SLC16A10: variants seen among roughly 807,000 people sequenced by gnomAD.
SLC16A10 encodes monocarboxylate transporter 10.
SLC16A10 carries 27 observed loss-of-function variants against 40.0 expected under a neutral mutation model. The observed-to-expected ratio is 0.67, with a 90% CI of 0.50 to 0.93. SLC16A10 has a LOEUF of 0.93. SLC16A10 is among the 40% of genes least tolerant of loss of function. The pLI, the probability that SLC16A10 is intolerant of heterozygous loss-of-function variation, is 0.00. For missense variants in SLC16A10, 529 were observed against 658.2 expected, an observed-to-expected ratio of 0.80 and a Z score of 2.15; for synonymous variants, 213 against 249.8, an observed-to-expected ratio of 0.85 and a Z score of 1.39.
intron 1 of SLC16A10, 150 bp from the exon 2 acceptor site, chr6:111,172,545 T>A: frequency 1.2e-6 from 1 of 818,014 alleles, no homozygotes; most frequent in East Asian, 2.8e-5. Flanking sequence ...AGTGTATGAG[T>A]CAATTTCCAT....
At chr6:111,206,571 T>C in intron 3 of SLC16A10, 21 bp from the exon 4 acceptor site, 1 of 1,613,758 alleles carries the variant, frequency 6.2e-7, no homozygotes, top group Non-Finnish European at 8.5e-7. Context: ...TCAGTGTGGT[T>C]TCTTTCTCTT....
intron 1 of SLC16A10, among the ~76,000 whole-genome samples, chr6:111,117,226 C>T (rs111914431): frequency 0.012 from 1,831 of 152,050 alleles, 25 homozygotes; most frequent in African/African-American, 0.043. Flanking sequence ...GTGTTGGGTG[C>T]CTGTAGTCCC....
chr6:111,128,875 T>C (rs1312309671), intron 1 of SLC16A10, among the ~76,000 whole-genome samples: 1 of 152,076 alleles, frequency 6.6e-6, no homozygotes, highest in East Asian at 1.9e-4. Flanking sequence ...CATTTTATTT[T>C]TTCATATTCA....
intron 3 of SLC16A10, chr6:111,193,184 CCTT>C (rs1221377581): frequency 1.1e-5 from 4 of 375,086 alleles, no homozygotes; most frequent in East Asian, 3.3e-4. Context: ...GATTAAGACA[CCTT>C]CTCTCCTTCA....
intron 3 of SLC16A10, among the ~76,000 whole-genome samples, chr6:111,203,751 T>TAAATAAATAAAA (rs1554261471): frequency 0.05 from 7,375 of 147,262 alleles, 272 homozygotes; most frequent in Non-Finnish European, 0.071. Context: ...AATAAATAAA[T>TAAATAAATAAAA]AAAATAATGC....
intron 3 of SLC16A10, among the ~76,000 whole-genome samples, chr6:111,195,576 A>C (rs1004052901): frequency 1.8e-4 from 28 of 152,236 alleles, no homozygotes; most frequent in Admixed American, 1.4e-3. Context: ...CAAAAAAATA[A>C]AAATAGTCCC....
intron 1 of SLC16A10, among the ~76,000 whole-genome samples, chr6:111,153,540 AAAAAATT>A (rs1466605389): frequency 2.0e-5 from 3 of 152,068 alleles, no homozygotes; most frequent in Non-Finnish European, 4.4e-5. Flanking sequence ...TCTCAAAAAA[AAAAAATT>A]AAATTAAAAC....
At chr6:111,154,552 C>G (rs1459932338) in intron 1 of SLC16A10, among the ~76,000 whole-genome samples, 1 of 152,182 alleles carries the variant, frequency 6.6e-6, no homozygotes. Context: ...CTCAAGGAAG[C>G]AAGTATTTTT....
chr6:111,189,519 G>A (rs1150082), intron 3 of SLC16A10, among the ~76,000 whole-genome samples: 116,815 of 152,068 alleles, frequency 0.77, 45,650 homozygotes, highest in Non-Finnish European at 0.85. Flanking sequence ...TTTTTTCTTC[G>A]TATACTGCAT....
At chr6:111,168,741 G>A (rs925217937) in intron 1 of SLC16A10, among the ~76,000 whole-genome samples, 1 of 152,148 alleles carries the variant, frequency 6.6e-6, no homozygotes, top group Non-Finnish European at 1.5e-5. Context: ...TTCAGTTTAG[G>A]CACTGCAGTA....
chr6:111,146,321 G>C (rs1395696646), intron 1 of SLC16A10, among the ~76,000 whole-genome samples: 1 of 152,180 alleles, frequency 6.6e-6, no homozygotes, highest in East Asian at 1.9e-4. Context: ...GGAAAAATTA[G>C]AACCCTCATA....
At chr6:111,184,090 A>G (rs1410453523) in intron 3 of SLC16A10, among the ~76,000 whole-genome samples, 1 of 152,320 alleles carries the variant, frequency 6.6e-6, no homozygotes, top group Non-Finnish European at 1.5e-5. Flanking sequence ...CTCTATCTCC[A>G]ATCTGAAGCT....
chr6:111,146,617 G>C (rs541043133), intron 1 of SLC16A10, among the ~76,000 whole-genome samples: 1 of 152,084 alleles, frequency 6.6e-6, no homozygotes, highest in Non-Finnish European at 1.5e-5. Context: ...GGCGCCTGTA[G>C]TCCCAGCTAC....
intron 1 of SLC16A10, among the ~76,000 whole-genome samples, chr6:111,108,631 A>T (rs927451469): frequency 6.6e-6 from 1 of 152,210 alleles, no homozygotes; most frequent in African/African-American, 2.4e-5. Flanking sequence ...TAAAGAAAGG[A>T]GGAAGTCCTA....
chr6:111,148,518 C>G (rs1463466140), intron 1 of SLC16A10, among the ~76,000 whole-genome samples: 1 of 152,162 alleles, frequency 6.6e-6, no homozygotes, highest in Non-Finnish European at 1.5e-5. Context: ...TTTGATTCAT[C>G]AAGATAGAAA....
Position 111,222,406 on chromosome 6 carries a change from A to G in SLC16A10, c.*171A>G. On this transcript the variant is annotated 3_prime_UTR_variant, in exon 6 of 6. Transcript: ENST00000368851. Reference sequence around the variant, plus strand: ...GAAGAACCATTTTCTGCCACTAAATATCTCTGATGTTTCCATGAGTCTGAG... The same window carrying G: ...GAAGAACCATTTTCTGCCACTAAATGTCTCTGATGTTTCCATGAGTCTGAG... 2 of 751,484 alleles carry G rather than the reference A, an allele frequency of 2.7e-6. No individual in the cohort carries two copies. Among genetic ancestry groups the G allele is most frequent in the African/African-American group, 3.7e-5 (2 of 53,944 alleles). 46.6% of individuals were successfully genotyped at this position (751,484 alleles called of 1,614,324 possible).
At chr6:111,106,609 A>G (rs1411933025) in intron 1 of SLC16A10, among the ~76,000 whole-genome samples, 1 of 152,236 alleles carries the variant, frequency 6.6e-6, no homozygotes, top group Admixed American at 6.5e-5. Flanking sequence ...ATCAGCGGTC[A>G]CTAATCTTTG....
At chr6:111,206,020 T>A (rs1243240012) in intron 3 of SLC16A10, among the ~76,000 whole-genome samples, 1 of 152,082 alleles carries the variant, frequency 6.6e-6, no homozygotes, top group East Asian at 1.9e-4. Context: ...AATGGATCAG[T>A]GTAGCTTATA....
intron 1 of SLC16A10, among the ~76,000 whole-genome samples, chr6:111,145,331 G>A (rs530371077): frequency 5.6e-4 from 85 of 152,198 alleles, no homozygotes; most frequent in African/African-American, 1.9e-3. Context: ...AGCCTAGCAC[G>A]TTGAGGCTGC....
Sources: allele counts gnomAD v4.1 joint callset (sites outside exome capture counted in the v4.1 genomes callset), GRCh38; gene constraint gnomAD v4.1.1; transcripts MANE v1.5; gene names NCBI Gene and HGNC (gene_info 2026-07-23, HGNC 2026-07-21).